The following IRAK1BP1 variants were observed in gnomAD, a reference collection of about 807,000 sequenced individuals.
IRAK1BP1 encodes interleukin-1 receptor-associated kinase 1-binding protein 1.
In IRAK1BP1, 24 loss-of-function variants were observed where a neutral mutation model predicts 28.0. The ratio of observed to expected loss-of-function variants is 0.86; its 90% CI spans 0.62 to 1.20. IRAK1BP1 has a LOEUF of 1.20. Among genes scored for constraint, IRAK1BP1 ranks in the 50% most tolerant of loss-of-function variants. The pLI, the probability that IRAK1BP1 is intolerant of heterozygous loss-of-function variation, is 0.00. For synonymous variants in IRAK1BP1, 131 were observed against 116.3 expected, an observed-to-expected ratio of 1.13 and a Z score of -0.81; for missense variants, 336 against 316.7, an observed-to-expected ratio of 1.06 and a Z score of -0.46.
chr6:78,879,874 G>A (rs905837280), intron 1 of IRAK1BP1, among the ~76,000 whole-genome samples: 1 of 152,228 alleles, frequency 6.6e-6, no homozygotes, highest in East Asian at 1.9e-4. Context: ...TACAGATATA[G>A]TAGTGAGGTT....
intron 1 of IRAK1BP1, among the ~76,000 whole-genome samples, 174 bp from the exon 2 acceptor site, chr6:78,885,204 C>T (rs1298599601): frequency 6.6e-6 from 1 of 151,980 alleles, no homozygotes; most frequent in Non-Finnish European, 1.5e-5. Context: ...TAAGCAAAAT[C>T]AATTTCTGAA....
Position 78,898,411 on chromosome 6 carries a change from A to AATATATATATATATATATAT in IRAK1BP1, c.*92_*111dup, listed in dbSNP as rs58937738. 8.0e-3 allele frequency: 688 copies of AATATATATATATATATATAT among 86,392 alleles called. 74 individuals are homozygous for AATATATATATATATATATAT. Among genetic ancestry groups the AATATATATATATATATATAT allele is most frequent in the Non-Finnish European group, 0.01 (508 of 48,950 alleles). The allele number at this position is 86,392 out of a possible 1,614,324, so 5.4% of individuals were successfully genotyped here. A position where few individuals can be genotyped will look rare whatever the true frequency, so the allele number is the denominator to read the frequency against. Reference sequence around the variant, plus strand: ...TTTTATAATGTTTACGTTTGTCCTGAATATATATATATATATATATATATA... The same window carrying AATATATATATATATATATAT: ...TTTTATAATGTTTACGTTTGTCCTGAATATATATATATATATATATATATATATATATATATATATATATA... On this transcript the variant is annotated 3_prime_UTR_variant, in exon 4 of 4. Transcript: ENST00000369940.
intron 2 of IRAK1BP1, among the ~76,000 whole-genome samples, chr6:78,894,472 G>C (rs1771808363): frequency 6.6e-6 from 1 of 151,944 alleles, no homozygotes; most frequent in African/African-American, 2.4e-5. Flanking sequence ...GACTATGAAA[G>C]ATAAAGACAG....
At chr6:78,921,393 G>C (rs1430281290) in intron 4 of IRAK1BP1, among the ~76,000 whole-genome samples, 1 of 152,212 alleles carries the variant, frequency 6.6e-6, no homozygotes, top group Non-Finnish European at 1.5e-5. Context: ...GCCCATCATT[G>C]CCAAGGCTTC....
At chr6:78,878,781 A>C (rs1435964465) in intron 1 of IRAK1BP1, among the ~76,000 whole-genome samples, 2 of 152,226 alleles carry the variant, frequency 1.3e-5, no homozygotes, top group Admixed American at 1.3e-4. Flanking sequence ...GCTAACTAGA[A>C]TAAACGGCGT....
Position 78,899,853 on chromosome 6 carries a change from A to G in IRAK1BP1, c.*1519A>G, listed in dbSNP as rs1469949724. On this transcript the variant is annotated 3_prime_UTR_variant, in exon 4 of 4. Transcript: ENST00000369940. ...AAAAATATTATTTCAGCATGTAATC[A>G]GTATTTTTTAAATTGAGATATTTGT... 2.0e-5 allele frequency: 3 copies of G among 152,242 alleles called. No individual in the cohort carries two copies. Among genetic ancestry groups the G allele is most frequent in the Admixed American group, 2.0e-4 (3 of 15,286 alleles). 9.4% of individuals were successfully genotyped at this position (152,242 alleles called of 1,614,324 possible). A position where few individuals can be genotyped will look rare whatever the true frequency, so the allele number is the denominator to read the frequency against.
chr6:78,955,752 G>T, the IRAK1BP1 span: 3 of 588,976 alleles, frequency 5.1e-6, no homozygotes, highest in South Asian at 2.4e-5. Context: ...AAATTTGTTC[G>T]TAAAACCATA....
At chr6:78,955,369 C>T in the IRAK1BP1 span, 8 of 916,798 alleles carry the variant, frequency 8.7e-6, no homozygotes, top group Non-Finnish European at 1.2e-5. Flanking sequence ...ATTTCCTTTA[C>T]ACACTGGAAC....
chr6:78,913,197 T>C (rs902073442), intron 4 of IRAK1BP1, among the ~76,000 whole-genome samples: 9 of 151,622 alleles, frequency 5.9e-5, no homozygotes, highest in African/African-American at 2.2e-4. Context: ...TAGCCAGGCG[T>C]GGTGGCATGC....
intron 4 of IRAK1BP1, among the ~76,000 whole-genome samples, chr6:78,911,976 T>C (rs1035614925): frequency 6.6e-6 from 1 of 151,990 alleles, no homozygotes; most frequent in African/African-American, 2.4e-5. Context: ...TATGGAAGCT[T>C]TGTTTTGTTT....
chr6:78,946,659 A>C, downstream of IRAK1BP1: 1 of 1,482,618 alleles, frequency 6.7e-7, no homozygotes, highest in Non-Finnish European at 8.9e-7. Context: ...AAGTTCTATC[A>C]TTTAGATGAA....
At chr6:78,936,793 C>T (rs956644688) in intron 4 of IRAK1BP1, 10 of 151,664 alleles carry the variant, frequency 6.6e-5, no homozygotes, top group Non-Finnish European at 1.5e-4. Context: ...ATACATAGTT[C>T]GTAATGACTT....
chr6:78,888,505 C>G lies in IRAK1BP1; in HGVS notation c.381+3062C>G, dbSNP rs576485865. The stretch of plus-strand genomic sequence containing the variant: ...TGCAGTTTTTATATATAAATTACAC[C>G]TCAGTACAGCTCCAATTTTTTTTTT... On this transcript the variant is annotated intron_variant, in intron 2 of 3. Transcript: ENST00000369940. 4.7e-5 allele frequency among the ~76,000 whole-genome samples: 7 copies of G among 148,110 alleles called. No homozygotes were observed. The East Asian group carries it at 1.3e-3, about 27-fold the overall frequency.
chr6:78,963,072 T>C, the IRAK1BP1 span: 2 of 1,543,558 alleles, frequency 1.3e-6, no homozygotes, highest in East Asian at 2.3e-5. Flanking sequence ...CAGTTTTTTC[T>C]ATACTCGCGT....
In IRAK1BP1 at chr6:78,902,992, C is replaced by T; in HGVS notation, c.*4658C>T. The T allele has an allele frequency of 6.8e-7, 1 of 1,466,394 alleles. No homozygotes were observed. The highest frequency in any genetic ancestry group is 9.2e-7 in the Non-Finnish European group (1 of 1,084,758). 90.8% of individuals were successfully genotyped at this position (1,466,394 alleles called of 1,614,324 possible). Reference sequence around the variant, plus strand: ...TATCAGAAGGATATTTCTGTTTCAGCAACTCCTGGAATCCTTCTTCAACAT... The same window carrying T: ...TATCAGAAGGATATTTCTGTTTCAGTAACTCCTGGAATCCTTCTTCAACAT... On this transcript the variant is annotated 3_prime_UTR_variant, in exon 4 of 4. Coordinates refer to ENST00000369940, the MANE Select transcript of IRAK1BP1 (RefSeq NM_001010844.4).
chr6:78,882,626 A>C (rs1771269460), intron 1 of IRAK1BP1, among the ~76,000 whole-genome samples: 1 of 152,326 alleles, frequency 6.6e-6, no homozygotes, highest in South Asian at 2.1e-4. Context: ...TCTGCAAAAT[A>C]CATGACCAAA....
chr6:78,950,763 T>C (rs576129388), downstream of IRAK1BP1, among the ~76,000 whole-genome samples: 1 of 152,270 alleles, frequency 6.6e-6, no homozygotes, highest in African/African-American at 2.4e-5. Flanking sequence ...CAGAGGCTTG[T>C]CAATTCTGTT....
chr6:78,887,645 G>A (rs1225677797), intron 2 of IRAK1BP1, among the ~76,000 whole-genome samples: 2 of 152,154 alleles, frequency 1.3e-5, no homozygotes, highest in Admixed American at 6.5e-5. Context: ...CAGCCTGGGC[G>A]ACAGAGCAAG....
chr6:78,870,840 T>C (rs1770770834), intron 1 of IRAK1BP1, among the ~76,000 whole-genome samples: 2 of 152,000 alleles, frequency 1.3e-5, no homozygotes, highest in Non-Finnish European at 1.5e-5. Flanking sequence ...GCCTCCCAAG[T>C]AGCTGGGATT....
Sources: gnomAD v4.1 joint callset for allele counts (sites outside exome capture counted in the v4.1 genomes callset) on GRCh38, gnomAD v4.1.1 for gene constraint, MANE v1.5 for transcripts, NCBI Gene and HGNC (gene_info 2026-07-23, HGNC 2026-07-21) for gene names.